HIGD1A: variants seen among roughly 807,000 people sequenced by gnomAD.
The protein encoded by HIGD1A is HIG1 hypoxia inducible domain family member 1A, also known as HIG1 domain family member 1A, mitochondrial.
HIGD1A carries 8 observed loss-of-function variants against 11.3 expected under a neutral mutation model. The ratio of observed to expected loss-of-function variants is 0.71; its 90% CI spans 0.42 to 1.28. The LOEUF is 1.28. Ranked by LOEUF, HIGD1A falls within the 50% of genes most tolerant of loss-of-function variation. HIGD1A has a pLI of 0.01. For synonymous variants in HIGD1A, 32 were observed against 38.4 expected, an observed-to-expected ratio of 0.83 and a Z score of 0.62; for missense variants, 107 against 118.8, an observed-to-expected ratio of 0.90 and a Z score of 0.46.
rs144489413 is a variant in HIGD1A, at chr3:42,795,146, C to T, written c.-22-871G>A. Among the ~76,000 whole-genome samples the T allele has an allele frequency of 2.6e-3, 385 of 150,740 alleles. 3 individuals carry two copies. The highest frequency in any genetic ancestry group is 9.0e-3 in the African/African-American group (371 of 41,036). ...AGACAGGGTTTCACTCCTGACCTCACGTGATCCACCCACCTCAGCCTCCCA... is the reference window on the plus strand; with the variant it reads ...AGACAGGGTTTCACTCCTGACCTCATGTGATCCACCCACCTCAGCCTCCCA... On this transcript the variant is annotated intron_variant, in intron 1 of 3. Coordinates refer to ENST00000321331, the MANE Select transcript of HIGD1A (RefSeq NM_014056.4).
intron 1 of HIGD1A, among the ~76,000 whole-genome samples, chr3:42,803,656 T>C (rs1463714036): frequency 6.6e-6 from 1 of 152,176 alleles, no homozygotes; most frequent in African/African-American, 2.4e-5. Context: ...ATCCCTGTCG[T>C]GGGGATTACT....
rs748163959 is a variant in HIGD1A at position 42,786,059 on chromosome 3, G to A, written c.201C>T (p.Ala67=). ...TCATTGCTCCTACAACAAAGCCTTGGGCTGCCACACGCATGTGGATCAGAT... is the reference window on the plus strand; with the variant it reads ...TCATTGCTCCTACAACAAAGCCTTGAGCTGCCACACGCATGTGGATCAGAT... ...SIHLIHMRVA[A]QGFVVGAMTV... is the part of the protein sequence containing the mutation. Residue 67 remains alanine, a synonymous_variant, in exon 3 of 4, where the codon GCC becomes GCT. Transcript: ENST00000321331. 3 of 1,612,648 alleles carry A rather than the reference G, an allele frequency of 1.9e-6. No homozygotes were observed. In the African/African-American group the frequency reaches 4.0e-5, roughly 22 times the overall value.
chr3:42,803,143 T>C (rs967276221), intron 1 of HIGD1A, among the ~76,000 whole-genome samples: 1 of 152,146 alleles, frequency 6.6e-6, no homozygotes. Flanking sequence ...GAATAGACGC[T>C]AAAAAAGGCA....
At chr3:42,789,993 A>AT (rs1700402556) in intron 2 of HIGD1A, among the ~76,000 whole-genome samples, 1 of 152,138 alleles carries the variant, frequency 6.6e-6, no homozygotes, top group Non-Finnish European at 1.5e-5. Context: ...AAGCACTGGG[A>AT]TTACAGGAAT....
At chr3:42,802,575 A>G (rs1270266247) in intron 1 of HIGD1A, among the ~76,000 whole-genome samples, 1 of 152,062 alleles carries the variant, frequency 6.6e-6, no homozygotes, top group Non-Finnish European at 1.5e-5. Flanking sequence ...TACCACGTAG[A>G]AGTTTCCAAA....
intron 2 of HIGD1A, among the ~76,000 whole-genome samples, 182 bp from the exon 3 acceptor site, chr3:42,786,344 C>A (rs1700350933): frequency 6.6e-6 from 1 of 152,106 alleles, no homozygotes; most frequent in African/African-American, 2.4e-5. Context: ...AAGCAAACAA[C>A]AACAGATCCA....
intron 2 of HIGD1A, among the ~76,000 whole-genome samples, chr3:42,789,458 G>A (rs550136537): frequency 2.7e-5 from 4 of 149,406 alleles, no homozygotes; most frequent in African/African-American, 9.9e-5. Context: ...TTGAGGCCAA[G>A]GGTTTGAGAC....
chr3:42,786,468 G>T (rs193022992), intron 2 of HIGD1A, among the ~76,000 whole-genome samples: 1 of 152,164 alleles, frequency 6.6e-6, no homozygotes, highest in African/African-American at 2.4e-5. Context: ...GAACGAAAGT[G>T]TGCCAAAGGT....
chr3:42,795,304 T>A (rs1209859873), intron 1 of HIGD1A, among the ~76,000 whole-genome samples: 1 of 151,772 alleles, frequency 6.6e-6, no homozygotes, highest in East Asian at 1.9e-4. Flanking sequence ...CTGCAACCTC[T>A]GCCTCCCAGG....
chr3:42,801,647 G>C (rs751746069), intron 1 of HIGD1A, among the ~76,000 whole-genome samples: 1 of 152,148 alleles, frequency 6.6e-6, no homozygotes, highest in Non-Finnish European at 1.5e-5. Flanking sequence ...ATGCCTAACT[G>C]TATGTACCTA....
intron 2 of HIGD1A, among the ~76,000 whole-genome samples, chr3:42,793,348 A>G (rs892042592): frequency 2.6e-5 from 4 of 152,154 alleles, no homozygotes; most frequent in Admixed American, 2.0e-4. Context: ...CTGACACCTC[A>G]ATAAAACCTG....
intron 1 of HIGD1A, among the ~76,000 whole-genome samples, chr3:42,799,603 C>T (rs568444742): frequency 1.2e-3 from 174 of 140,220 alleles, no homozygotes; most frequent in South Asian, 6.8e-3. Flanking sequence ...CAGGTGTGCA[C>T]CACCATGCCT....
intron 1 of HIGD1A, among the ~76,000 whole-genome samples, chr3:42,798,673 A>G (rs1365178711): frequency 2.8e-4 from 2 of 7,122 alleles, no homozygotes; most frequent in African/African-American, 3.0e-4. Context: ...GGGGGGGGTC[A>G]GCCCCCCGCC....
intron 1 of HIGD1A, among the ~76,000 whole-genome samples, chr3:42,801,788 T>C (rs1038935881): frequency 9.2e-5 from 14 of 152,258 alleles, no homozygotes; most frequent in Admixed American, 5.2e-4. Flanking sequence ...TAAAAACTTC[T>C]GCAGATATAA....
Position 42,786,080 on chromosome 3 carries a change from C to T in HIGD1A, c.180G>A (p.Leu60=), listed in dbSNP as rs573304142. 1 of 1,613,516 alleles carries T rather than the reference C, an allele frequency of 6.2e-7. No homozygotes were observed. The highest frequency in any genetic ancestry group is 8.5e-7 in the Non-Finnish European group (1 of 1,179,960). ...SRGNTKMSIH[L]IHMRVAAQGF... ...CTTGGGCTGCCACACGCATGTGGAT[C>T]AGATGAATGGACATTTTAGTATTTC... The change falls in exon 3 of 4, where the codon CTG becomes CTA. Residue 60 remains leucine, a synonymous_variant. Coordinates refer to ENST00000321331, the MANE Select transcript of HIGD1A (RefSeq NM_014056.4).
chr3:42,785,399 T>C, intron 3 of HIGD1A, 79 bp from the exon 4 acceptor site: 2 of 1,116,690 alleles, frequency 1.8e-6, no homozygotes, highest in South Asian at 1.3e-5. Context: ...ATAAAATAGC[T>C]GAAAGTAGCA....
chr3:42,794,293 T>G lies in HIGD1A; in HGVS notation c.-22-18A>C. 1 of 1,553,392 alleles carries G rather than the reference T, an allele frequency of 6.4e-7. No homozygotes were observed. Among genetic ancestry groups the G allele is most frequent in the East Asian group, 2.4e-5 (1 of 41,616 alleles). ...GAATCTCCCTGAGAAAGAATTTCTA[T>G]GAGGTTCTGTAATTAAAAGCATCTG... is the stretch of plus-strand genomic sequence containing the variant. On this transcript the variant is annotated intron_variant, in intron 1 of 3. Transcript: ENST00000321331.
At chr3:42,794,088 T>C (rs553769003) in intron 2 of HIGD1A, 69 bp downstream of exon 2, 1 of 1,439,498 alleles carries the variant, frequency 6.9e-7, no homozygotes, top group Non-Finnish European at 9.4e-7. Context: ...TCTTTCAGGA[T>C]ATTGCTAAAT....
chr3:42,786,767 T>C (rs918793203), intron 2 of HIGD1A, among the ~76,000 whole-genome samples: 3 of 152,206 alleles, frequency 2.0e-5, no homozygotes, highest in Non-Finnish European at 4.4e-5. Context: ...ATGTTTTCTT[T>C]TTAAGATTTA....
Sources: gnomAD v4.1 joint callset for allele counts (sites outside exome capture counted in the v4.1 genomes callset) on GRCh38, gnomAD v4.1.1 for gene constraint, MANE v1.5 for transcripts, NCBI Gene and HGNC (gene_info 2026-07-23, HGNC 2026-07-21) for gene names.